The following CCDC126 variants were observed in gnomAD, a reference collection of about 807,000 sequenced individuals.
The protein encoded by CCDC126 is coiled-coil domain-containing protein 126.
A neutral mutation model predicts 11.7 loss-of-function variants in CCDC126; 5 were observed. The ratio of observed to expected loss-of-function variants is 0.43; its 90% CI spans 0.22 to 0.90. The LOEUF (loss-of-function observed/expected upper bound fraction) is 0.90, where lower values mean the gene tolerates loss of function less well. Among genes scored for constraint, CCDC126 ranks in the 40% least tolerant of loss-of-function variants. The pLI, the probability that CCDC126 is intolerant of heterozygous loss-of-function variation, is 0.27. For synonymous variants in CCDC126, 60 were observed against 61.9 expected (o/e 0.97, Z 0.14); for missense variants, 150 against 163.1 (o/e 0.92, Z 0.44).
rs1167988372 is a variant in CCDC126, at chr7:23,611,380, G to A, written c.65G>A (p.Gly22Glu). ...TTGAGTTTACTGTTGCTTGTATTTGGACTCATTTGGGGATTGATGTTACTG... is the reference window on the plus strand; with the variant it reads ...TTGAGTTTACTGTTGCTTGTATTTGAACTCATTTGGGGATTGATGTTACTG... Reference protein sequence around the residue: ...QKLSLLLLVFGLIWGLMLLHY... With the variant: ...QKLSLLLLVFELIWGLMLLHY... The change falls in exon 3 of 4, where the codon GGA becomes GAA. Residue 22 changes from glycine (G) to glutamate (E), a missense_variant. Transcript: ENST00000307471. 6.2e-7 allele frequency: 1 copy of A among 1,613,796 alleles called. No individual in the cohort carries two copies. The highest frequency in any genetic ancestry group is 8.5e-7 in the Non-Finnish European group (1 of 1,179,906).
intron 2 of CCDC126, among the ~76,000 whole-genome samples, chr7:23,610,702 CTG>C (rs1782696916): frequency 1.3e-5 from 2 of 152,234 alleles, no homozygotes; most frequent in Admixed American, 1.3e-4. Flanking sequence ...TTGGCACACT[CTG>C]TTTATATTGT....
chr7:23,638,132 G>T (rs1783275700), intron 3 of CCDC126, among the ~76,000 whole-genome samples: 1 of 149,204 alleles, frequency 6.7e-6, no homozygotes, highest in Non-Finnish European at 1.5e-5. Flanking sequence ...CCCCATCCGG[G>T]AGGAGAGGGG....
intron 3 of CCDC126, among the ~76,000 whole-genome samples, chr7:23,635,091 T>C (rs1783186408): frequency 6.6e-6 from 1 of 152,232 alleles, no homozygotes; most frequent in Non-Finnish European, 1.5e-5. Flanking sequence ...TATTTGATCT[T>C]CTCCCAGAAT....
intron 2 of CCDC126, among the ~76,000 whole-genome samples, chr7:23,600,353 G>T (rs955837018): frequency 1.7e-4 from 25 of 146,266 alleles, no homozygotes; most frequent in African/African-American, 6.4e-4. Context: ...ATTATGGAGC[G>T]AATGGCTGTG....
chr7:23,629,462 T>C (rs1321629067), intron 3 of CCDC126, among the ~76,000 whole-genome samples: 1 of 152,208 alleles, frequency 6.6e-6, no homozygotes, highest in Non-Finnish European at 1.5e-5. Context: ...CTGTGGTGTT[T>C]TGTGATGGCA....
intron 3 of CCDC126, among the ~76,000 whole-genome samples, chr7:23,623,371 C>T (rs866219326): frequency 2.6e-5 from 4 of 151,812 alleles, no homozygotes; most frequent in African/African-American, 7.3e-5. Flanking sequence ...CCGAGGTGGG[C>T]GGATCACCTG....
chr7:23,633,918 CT>C (rs1783158823), intron 3 of CCDC126, among the ~76,000 whole-genome samples: 1 of 152,126 alleles, frequency 6.6e-6, no homozygotes, highest in Admixed American at 6.5e-5. Flanking sequence ...CACCATTAAG[CT>C]GATATTTAGT....
rs532111005 is a variant in CCDC126 at position 23,600,377 on chromosome 7, C to A, written c.-146+2326C>A. Reference sequence around the variant, plus strand: ...CGAATGGCTGTGTTCTGTGTTAACCCCCCCCCCCCCACCACCATATTAGCC... The same window carrying A: ...CGAATGGCTGTGTTCTGTGTTAACCACCCCCCCCCCACCACCATATTAGCC... On this transcript the variant is annotated intron_variant, in intron 2 of 3. Coordinates refer to ENST00000307471, the MANE Select transcript of CCDC126 (RefSeq NM_138771.4). Among the ~76,000 whole-genome samples the A allele has an allele frequency of 1.8e-4, 23 of 124,722 alleles. 2 individuals carry two copies. The highest frequency in any genetic ancestry group is 7.4e-4 in the African/African-American group (21 of 28,234). The allele number at this position is 124,722 out of a possible 152,430, so 81.8% of individuals were successfully genotyped here. A position where few individuals can be genotyped will look rare whatever the true frequency, so the allele number is the denominator to read the frequency against.
rs1478136675 is a variant in CCDC126, at chr7:23,624,746, G to C, written c.238+13193G>C. 3.9e-5 allele frequency among the ~76,000 whole-genome samples: 6 copies of C among 152,228 alleles called. No individual in the cohort carries two copies. The East Asian group carries it at 1.2e-3, about 29-fold the overall frequency. On this transcript the variant is annotated intron_variant, in intron 3 of 3. Transcript: ENST00000307471. ...AAAATGGCATCGTACTGTACATGTT[G>C]GTTTTGCAACTTATTTATTTTCACT...
At chr7:23,599,591 G>GGGT (rs1782497314) in intron 2 of CCDC126, among the ~76,000 whole-genome samples, 1 of 150,380 alleles carries the variant, frequency 6.6e-6, no homozygotes, top group Admixed American at 6.7e-5. Context: ...TCTACCTTTT[G>GGGT]GGTTCAAGCA....
intron 3 of CCDC126, among the ~76,000 whole-genome samples, chr7:23,626,633 T>C (rs1168981933): frequency 6.6e-6 from 1 of 152,160 alleles, no homozygotes; most frequent in African/African-American, 2.4e-5. Flanking sequence ...CCAATAGTTA[T>C]CTTTTCTGCT....
At chr7:23,619,890 G>A (rs1357598581) in intron 3 of CCDC126, among the ~76,000 whole-genome samples, 1 of 151,814 alleles carries the variant, frequency 6.6e-6, no homozygotes, top group Non-Finnish European at 1.5e-5. Flanking sequence ...CTTCATCCAT[G>A]TCCCTACAAA....
chr7:23,603,092 A>G (rs1384095674), intron 2 of CCDC126, among the ~76,000 whole-genome samples: 1 of 151,936 alleles, frequency 6.6e-6, no homozygotes, highest in Non-Finnish European at 1.5e-5. Context: ...CTCCACCTCC[A>G]ATTCTTTTTT....
intron 3 of CCDC126, among the ~76,000 whole-genome samples, chr7:23,616,827 T>A (rs147330180): frequency 1.3e-3 from 202 of 152,324 alleles, no homozygotes; most frequent in African/African-American, 4.8e-3. Context: ...GTCATTCAAT[T>A]CTGGGATATT....
intron 2 of CCDC126, among the ~76,000 whole-genome samples, chr7:23,599,754 C>T (rs753853872): frequency 4.6e-5 from 7 of 152,088 alleles, no homozygotes; most frequent in Non-Finnish European, 7.4e-5. Flanking sequence ...CCCTGGAGCC[C>T]GGCCTGCATA....
chr7:23,618,370 T>C (rs1782830135), intron 3 of CCDC126, among the ~76,000 whole-genome samples: 1 of 152,108 alleles, frequency 6.6e-6, no homozygotes, highest in Non-Finnish European at 1.5e-5. Context: ...ATTCTGGGTC[T>C]TCCCATTAGC....
intron 3 of CCDC126, among the ~76,000 whole-genome samples, chr7:23,621,003 C>G (rs1009123680): frequency 5.4e-4 from 82 of 152,210 alleles, no homozygotes; most frequent in Non-Finnish European, 7.5e-4. Flanking sequence ...AGTTTGAAGT[C>G]AGGTAGTGTG....
At chr7:23,598,138 G>GGGTTTCTCTCACTGCCTGCCTT (rs1471154274) in intron 2 of CCDC126, 87 bp downstream of exon 2, 6 of 152,274 alleles carry the variant, frequency 3.9e-5, no homozygotes, top group African/African-American at 1.2e-4. Flanking sequence ...AATCCTGCCT[G>GGGTTTCTCTCACTGCCTGCCTT]GGTTTCTCTC....
At chr7:23,640,743 TTTGA>T (rs1323747142) in intron 3 of CCDC126, among the ~76,000 whole-genome samples, 3 of 152,182 alleles carry the variant, frequency 2.0e-5, no homozygotes, top group African/African-American at 7.2e-5. Context: ...CAATATTTGA[TTTGA>T]TTGATGTCTG....
Sources: allele counts gnomAD v4.1 joint callset (sites outside exome capture counted in the v4.1 genomes callset), GRCh38; gene constraint gnomAD v4.1.1; transcripts MANE v1.5; gene names NCBI Gene and HGNC (gene_info 2026-07-23, HGNC 2026-07-21).